The following FHAD1 variants were observed in gnomAD, a reference collection of about 807,000 sequenced individuals.
The protein encoded by FHAD1 is forkhead-associated domain-containing protein 1.
Under a neutral mutation model 191.3 loss-of-function variants are expected in FHAD1, and 146 were observed. That is an observed-to-expected ratio of 0.76 (90% CI 0.67 to 0.88). The LOEUF (loss-of-function observed/expected upper bound fraction) is 0.88, where lower values mean the gene tolerates loss of function less well. FHAD1 is among the 40% of genes least tolerant of loss of function. The pLI is 0.00. For missense variants in FHAD1, 1,635 were observed against 1,785.8 expected (o/e 0.92, Z 1.52); for synonymous variants, 616 against 672.3 (o/e 0.92, Z 1.29).
chr1:15,344,116 A>T (rs1687906653), intron 16 of FHAD1, among the ~76,000 whole-genome samples: 1 of 152,142 alleles, frequency 6.6e-6, no homozygotes, highest in African/African-American at 2.4e-5. Context: ...AGACTGTGAC[A>T]CTCGAAGGTC....
chr1:15,257,994 A>G (rs191291719), intron 2 of FHAD1, among the ~76,000 whole-genome samples: 67 of 152,232 alleles, frequency 4.4e-4, no homozygotes, highest in Non-Finnish European at 8.2e-4. Flanking sequence ...GGCATGAGCC[A>G]CCATGCCTGG....
At chr1:15,297,367 A>G (rs1244830648) in intron 5 of FHAD1, among the ~76,000 whole-genome samples, 1 of 152,238 alleles carries the variant, frequency 6.6e-6, no homozygotes, top group Non-Finnish European at 1.5e-5. Context: ...TGAAAATTAT[A>G]TGATAATCGA....
At chr1:15,353,116 A>G in intron 20 of FHAD1, 132 bp downstream of exon 20, 2 of 641,660 alleles carry the variant, frequency 3.1e-6, no homozygotes, top group Non-Finnish European at 2.8e-6. Flanking sequence ...GTACCTTACC[A>G]TCTCTGTGCC....
intron 4 of FHAD1, among the ~76,000 whole-genome samples, chr1:15,293,510 G>C (rs535940105): frequency 5.3e-5 from 8 of 152,198 alleles, no homozygotes; most frequent in Admixed American, 2.0e-4. Flanking sequence ...ACAAGGTCGG[G>C]AGTCTGAGAC....
chr1:15,382,880 C>T (rs762456829), intron 31 of FHAD1, among the ~76,000 whole-genome samples: 4 of 152,190 alleles, frequency 2.6e-5, no homozygotes, highest in East Asian at 1.9e-4. Flanking sequence ...CTGAAGGAGC[C>T]GCAGAGGAAA....
At chr1:15,353,704 C>CAAAAAA (rs60518389) in intron 20 of FHAD1, among the ~76,000 whole-genome samples, 179 of 60,702 alleles carry the variant, frequency 2.9e-3, no homozygotes, top group African/African-American at 3.9e-3. Context: ...GACTCCATCT[C>CAAAAAA]AAAAAAAAAA....
At chr1:15,303,367 G>A (rs918266019) in intron 6 of FHAD1, among the ~76,000 whole-genome samples, 9 of 152,216 alleles carry the variant, frequency 5.9e-5, no homozygotes, top group Admixed American at 5.2e-4. Context: ...TTTGCAACCA[G>A]ATCTCCATCT....
intron 28 of FHAD1, among the ~76,000 whole-genome samples, chr1:15,379,457 G>A (rs544756207): frequency 0.011 from 1,733 of 152,236 alleles, 13 homozygotes; most frequent in Non-Finnish European, 0.017. Flanking sequence ...GTTTTATACC[G>A]AGACATTCCA....
chr1:15,307,392 G>A (rs530957197), intron 6 of FHAD1, among the ~76,000 whole-genome samples: 4 of 152,290 alleles, frequency 2.6e-5, no homozygotes, highest in Non-Finnish European at 5.9e-5. Context: ...AAGACTTTGG[G>A]GGACTATTGG....
At chr1:15,263,710 G>A (rs1332079824) in intron 2 of FHAD1, among the ~76,000 whole-genome samples, 2 of 151,546 alleles carry the variant, frequency 1.3e-5, no homozygotes, top group South Asian at 2.1e-4. Flanking sequence ...TTTAGTAGAG[G>A]CGGGGTTTCA....
chr1:15,365,014 G>A (rs1337609909), intron 23 of FHAD1, among the ~76,000 whole-genome samples: 2 of 152,136 alleles, frequency 1.3e-5, no homozygotes, highest in Non-Finnish European at 1.5e-5. Context: ...CTGGGCCCCT[G>A]TTGCCTGGGC....
rs949067050 is a variant in FHAD1, at chr1:15,308,664, G to A, written c.967G>A (p.Glu323Lys). ...CAAGGTGCTGTGCCAGACCCTGTCA[G>A]AGCGGAACTCAGAAATCACATCCCT... is the stretch of plus-strand genomic sequence containing the variant. ...YSKVLCQTLS[E>K]RNSEITSLKN... Residue 323 changes from glutamate to lysine, a missense_variant, in exon 7 of 34, where the codon GAG becomes AAG. Coordinates refer to ENST00000688493, the MANE Select transcript of FHAD1 (RefSeq NM_001391957.1). 1 of 1,551,782 alleles carries A rather than the reference G, an allele frequency of 6.4e-7. No homozygotes were observed. The highest frequency in any genetic ancestry group is 2.4e-5 in the East Asian group (1 of 40,928).
downstream of FHAD1, among the ~76,000 whole-genome samples, chr1:15,402,342 TTTA>T (rs1707148217): frequency 6.6e-6 from 1 of 152,240 alleles, no homozygotes; most frequent in Non-Finnish European, 1.5e-5. Context: ...TTAAAATTTT[TTTA>T]TTATTATACT....
At chr1:15,355,931 A>G (rs1208199095) in intron 20 of FHAD1, among the ~76,000 whole-genome samples, 1 of 142,248 alleles carries the variant, frequency 7.0e-6, no homozygotes, top group African/African-American at 3.0e-5. Context: ...CATTCTAGAA[A>G]ACTTGAAAAA....
At chr1:15,345,769 G>A (rs1460696485) in intron 18 of FHAD1, among the ~76,000 whole-genome samples, 2 of 152,136 alleles carry the variant, frequency 1.3e-5, no homozygotes, top group African/African-American at 2.4e-5. Context: ...GAGAGAGAGC[G>A]CTTGGGAGAC....
chr1:15,245,763 A>C (rs988285027), upstream of FHAD1, among the ~76,000 whole-genome samples: 1 of 152,188 alleles, frequency 6.6e-6, no homozygotes. Flanking sequence ...AGCTGCATAA[A>C]TCAGGGTTTT....
intron 23 of FHAD1, chr1:15,364,153 A>C (rs1695679610): frequency 4.6e-6 from 1 of 216,934 alleles, no homozygotes; most frequent in South Asian, 7.4e-5. Flanking sequence ...GGTTGCAGCC[A>C]AGAACACACT....
At chr1:15,385,208 G>A (rs996176885) in intron 31 of FHAD1, among the ~76,000 whole-genome samples, 10 of 150,982 alleles carry the variant, frequency 6.6e-5, no homozygotes, top group East Asian at 3.9e-4. Context: ...TGCAAGACTC[G>A]AAAGGGAACC....
At chr1:15,353,701 T>A (rs2102507199) in intron 20 of FHAD1, among the ~76,000 whole-genome samples, 1 of 63,512 alleles carries the variant, frequency 1.6e-5, no homozygotes, top group Non-Finnish European at 2.6e-5. Flanking sequence ...CAAGACTCCA[T>A]CTCAAAAAAA....
Sources: gnomAD v4.1 joint callset for allele counts (sites outside exome capture counted in the v4.1 genomes callset) on GRCh38, gnomAD v4.1.1 for gene constraint, MANE v1.5 for transcripts, NCBI Gene and HGNC (gene_info 2026-07-23, HGNC 2026-07-21) for gene names.